RRAGB: variants seen among roughly 807,000 people sequenced by gnomAD.
RRAGB encodes the protein ras-related GTP-binding protein B.
RRAGB carries 6 observed loss-of-function variants against 29.3 expected under a neutral mutation model. That is an observed-to-expected ratio of 0.21 (90% CI 0.11 to 0.40). The LOEUF is 0.40. Ranked by LOEUF, RRAGB falls within the 10% of genes least tolerant of loss-of-function variation. RRAGB has a pLI of 1.00. For synonymous variants in RRAGB, 101 were observed against 92.5 expected (o/e 1.09, Z -0.53); for missense variants, 184 against 272.9 (o/e 0.67, Z 2.29).
chrX:55,721,012 A>G (rs1311159116), intron 2 of RRAGB, among the ~76,000 whole-genome samples: 2 of 112,455 alleles, frequency 1.8e-5, no homozygotes, highest in African/African-American at 6.5e-5. Context: ...AGTATAGAAC[A>G]TCATTGACGA....
At position 55,748,397 on chromosome X, in the gene RRAGB, G is replaced by A. The variant is rs1049169213; in HGVS notation, c.517-2704G>A. Among the ~76,000 whole-genome samples the A allele has an allele frequency of 1.9e-4, 20 of 107,537 alleles. 1 individual carries two copies. The highest frequency in any genetic ancestry group is 4.9e-4 in the Admixed American group (5 of 10,169). 93.4% of individuals were successfully genotyped at this position (107,537 alleles called of 115,157 possible). On this transcript the variant is annotated intron_variant, in intron 5 of 9. Coordinates refer to ENST00000374941, the MANE Select transcript of RRAGB (RefSeq NM_006064.5). ...TGGAAAGTGAGGAGCGTCTCTGCCC[G>A]GCCGCCATCCCATCTAGGAAGTGAG...
intron 5 of RRAGB, among the ~76,000 whole-genome samples, chrX:55,740,420 G>C (rs759010534): frequency 8.9e-6 from 1 of 112,021 alleles, no homozygotes; most frequent in East Asian, 2.8e-4. Context: ...AACCATTACA[G>C]TCAACACATT....
At chrX:55,726,384 G>T (rs888379560) in intron 3 of RRAGB, among the ~76,000 whole-genome samples, 1 of 111,278 alleles carries the variant, frequency 9.0e-6, no homozygotes, top group African/African-American at 3.3e-5. Flanking sequence ...TATGCGGAGA[G>T]ACATGGTTTT....
At chrX:55,755,775 TGAG>T (rs2034642308) in intron 7 of RRAGB, 63 bp from the exon 8 acceptor site, 2 of 1,142,983 alleles carry the variant, frequency 1.7e-6, no homozygotes, top group South Asian at 2.0e-5. Context: ...ATGTCTGCTT[TGAG>T]GAGTAGCAGA....
intron 8 of RRAGB, among the ~76,000 whole-genome samples, chrX:55,756,965 T>A (rs1388941549): frequency 4.5e-5 from 5 of 111,784 alleles, no homozygotes; most frequent in African/African-American, 1.6e-4. Context: ...CATAAAAAAA[T>A]AAATTGAAAT....
chrX:55,723,707 C>T (rs886288936), intron 3 of RRAGB, among the ~76,000 whole-genome samples: 1 of 110,419 alleles, frequency 9.1e-6, no homozygotes. Context: ...CAGGTGTGTA[C>T]CACCACATCC....
At chrX:55,748,040 G>A (rs1162432336) in intron 5 of RRAGB, among the ~76,000 whole-genome samples, 3 of 112,552 alleles carry the variant, frequency 2.7e-5, no homozygotes, top group Non-Finnish European at 3.8e-5. Flanking sequence ...ACTGGTTTTC[G>A]TATTTTTTTG....
chrX:55,727,204 T>A, intron 3 of RRAGB: 2 of 762,802 alleles, frequency 2.6e-6, no homozygotes, highest in African/African-American at 2.2e-5. Flanking sequence ...GAAACCTGAT[T>A]TCTATCCCAT....
chrX:55,749,022 C>CCCCGCCCGG, intron 5 of RRAGB, among the ~76,000 whole-genome samples: 1 of 96,124 alleles, frequency 1.0e-5, no homozygotes, highest in Non-Finnish European at 2.1e-5. Context: ...GGGGGTCAGC[C>CCCCGCCCGG]TCCCGCCCGG....
At chrX:55,727,299 T>A in intron 3 of RRAGB, 1 of 1,166,306 alleles carries the variant, frequency 8.6e-7, no homozygotes, top group Non-Finnish European at 1.2e-6. Flanking sequence ...CTTTCCATTT[T>A]TTTTTAGTAC....
rs1211513154 is a variant in RRAGB at position 55,754,797 on chromosome X, G to C, written c.736-1044G>C. 5.4e-5 allele frequency among the ~76,000 whole-genome samples: 6 copies of C among 111,983 alleles called. 1 individual carries two copies. In the Admixed American group the frequency reaches 5.7e-4, roughly 11 times the overall value. ...AGCCATCTTTCTAGCTGGTATAGAT[G>C]GGGCAAGGAGTCCTAATTAGAGTAT... is the stretch of plus-strand genomic sequence containing the variant. On this transcript the variant is annotated intron_variant, in intron 7 of 9. Transcript: ENST00000374941.
chrX:55,732,977 A>C (rs952798203), intron 5 of RRAGB, among the ~76,000 whole-genome samples: 1 of 110,361 alleles, frequency 9.1e-6, no homozygotes, highest in Admixed American at 9.7e-5. Context: ...AATTTATTTT[A>C]TTATTTCAGT....
intron 3 of RRAGB, 124 bp downstream of exon 3, chrX:55,722,409 C>T: frequency 2.5e-6 from 1 of 404,554 alleles, no homozygotes; most frequent in South Asian, 6.1e-5. Context: ...AGCATGTTTA[C>T]CCTTTTTGCA....
chrX:55,735,556 T>G (rs184713319), intron 5 of RRAGB, among the ~76,000 whole-genome samples: 2 of 112,268 alleles, frequency 1.8e-5, no homozygotes, highest in East Asian at 5.6e-4. Context: ...GTTTGTGTTT[T>G]TTTCCATTCT....
intron 5 of RRAGB, among the ~76,000 whole-genome samples, chrX:55,732,124 A>G (rs975627283): frequency 1.8e-5 from 2 of 112,409 alleles, no homozygotes; most frequent in African/African-American, 6.5e-5. Context: ...TGTCACCAAG[A>G]TAGTGGAGTA....
At chrX:55,750,048 TAAAAAAAAAA>T (rs774847577) in intron 5 of RRAGB, among the ~76,000 whole-genome samples, 2 of 16,771 alleles carry the variant, frequency 1.2e-4, no homozygotes, top group Middle Eastern at 0.036. Context: ...AATGATCAAT[TAAAAAAAAAA>T]AAAAAAAAAA....
intron 5 of RRAGB, among the ~76,000 whole-genome samples, chrX:55,750,486 C>CA (rs1486760245): frequency 9.0e-6 from 1 of 111,246 alleles, no homozygotes; most frequent in Non-Finnish European, 1.9e-5. Flanking sequence ...GAATAATACT[C>CA]AGAGTCTACT....
At chrX:55,725,982 G>A (rs758444127) in intron 3 of RRAGB, among the ~76,000 whole-genome samples, 7 of 110,925 alleles carry the variant, frequency 6.3e-5, no homozygotes, top group Non-Finnish European at 1.3e-4. Context: ...AAGACTAGGA[G>A]AGCTAGAGAT....
At chrX:55,744,162 G>A (rs2034169088) in intron 5 of RRAGB, among the ~76,000 whole-genome samples, 1 of 109,220 alleles carries the variant, frequency 9.2e-6, no homozygotes, top group African/African-American at 3.3e-5. Flanking sequence ...GCTGAGGTGG[G>A]CAAATCACTT....
Sources: gnomAD v4.1 joint callset for allele counts (sites outside exome capture counted in the v4.1 genomes callset) on GRCh38, gnomAD v4.1.1 for gene constraint, MANE v1.5 for transcripts, NCBI Gene and HGNC (gene_info 2026-07-23, HGNC 2026-07-21) for gene names.